The following ADAM8 variants were observed in gnomAD, a reference collection of about 807,000 sequenced individuals.
ADAM8 encodes the protein disintegrin and metalloproteinase domain-containing protein 8.
ADAM8 carries 104 observed loss-of-function variants against 102.4 expected under a neutral mutation model. That is an observed-to-expected ratio of 1.02 (90% CI 0.87 to 1.20). The LOEUF is 1.20. Ranked by LOEUF, ADAM8 falls within the 50% of genes most tolerant of loss-of-function variation. The probability of loss-of-function intolerance (pLI) is 0.00; values close to 1 mark genes in which losing one functional copy is unlikely to be tolerated. For synonymous variants in ADAM8, 517 were observed against 485.2 expected (o/e 1.07, Z -0.86); for missense variants, 1,132 against 1,159.0 (o/e 0.98, Z 0.34).
At chr10:133,264,945 C>T (rs1366886040) in intron 21 of ADAM8, among the ~76,000 whole-genome samples, 5 of 126,560 alleles carry the variant, frequency 4.0e-5, no homozygotes, top group African/African-American at 9.4e-5. Context: ...TACCTCCACG[C>T]GCAGCTCCTG....
At chr10:133,273,178 G>A in intron 6 of ADAM8, 76 bp downstream of exon 6, 2 of 1,578,314 alleles carry the variant, frequency 1.3e-6, no homozygotes, top group Non-Finnish European at 1.7e-6. Flanking sequence ...CAGCACATGG[G>A]GAGCCAGGAG....
chr10:133,269,511 C>T lies in ADAM8; in HGVS notation c.1882G>A (p.Glu628Lys). The change falls in exon 18 of 23, where the codon GAG (glutamate) becomes AAG (lysine). Residue 628 changes from glutamate (E) to lysine (K), a missense_variant. Transcript: ENST00000445355. ...HNHGVCNHKQ[E>K]CHCHAGWAPP... The stretch of plus-strand genomic sequence containing the variant: ...GCCCAGCCCGCGTGGCAGTGGCACT[C>T]CTGCTTGTGGTTGCACACCTGCGGG... The T allele has an allele frequency of 6.3e-7, 1 of 1,598,882 alleles. No homozygotes were observed. Among genetic ancestry groups the T allele is most frequent in the East Asian group, 2.2e-5 (1 of 44,732 alleles).
At chr10:133,274,077 G>C (rs1846652078) in intron 3 of ADAM8, 48 bp from the exon 4 acceptor site, 1 of 1,591,640 alleles carries the variant, frequency 6.3e-7, no homozygotes, top group African/African-American at 1.3e-5. Context: ...GTGCAGAGAG[G>C]CTGGCCCAGA....
At chr10:133,268,622 G>A (rs546431728) in intron 19 of ADAM8, 126 bp downstream of exon 19, 58 of 1,085,456 alleles carry the variant, frequency 5.3e-5, no homozygotes, top group African/African-American at 4.1e-4. Flanking sequence ...GCGTCATGAC[G>A]TCGGGGCACA....
intron 9 of ADAM8, 51 bp downstream of exon 9, chr10:133,272,365 G>GC: frequency 1.7e-5 from 7 of 408,748 alleles, no homozygotes; most frequent in South Asian, 1.4e-4. Context: ...ACCCCACCCT[G>GC]CCCGCCCTCC....
chr10:133,262,960 G>A lies in ADAM8; in HGVS notation c.*196C>T. 4.2e-6 allele frequency: 3 copies of A among 720,868 alleles called. No individual in the cohort carries two copies. The highest frequency in any genetic ancestry group is 4.9e-6 in the Non-Finnish European group (2 of 406,254). The allele number at this position is 720,868 out of a possible 1,614,324, so 44.7% of individuals were successfully genotyped here. ...ACAGCTGGGGCTACACGTGGCCAAGGCGGGGAGAAGGAATTGGCTGAGGGC... is the reference window on the plus strand; with the variant it reads ...ACAGCTGGGGCTACACGTGGCCAAGACGGGGAGAAGGAATTGGCTGAGGGC... On this transcript the variant is annotated 3_prime_UTR_variant, in exon 23 of 23. Transcript: ENST00000445355.
At position 133,267,997 on chromosome 10, in the gene ADAM8, T is replaced by C. The variant is rs1300957407; in HGVS notation, c.2185A>G (p.Thr729Ala). 1.6e-6 allele frequency: 2 copies of C among 1,260,146 alleles called. No individual in the cohort carries two copies. The highest frequency in any genetic ancestry group is 2.7e-4 in the Middle Eastern group (1 of 3,728). 78.1% of individuals were successfully genotyped at this position (1,260,146 alleles called of 1,614,324 possible). A position where few individuals can be genotyped will look rare whatever the true frequency, so the allele number is the denominator to read the frequency against. ...PSRGPQELVP[T>A]THPGQPARHP... ...CGGGCGGGCTGGCCCGGGTGGGTGG[T>C]GGGGACCAGCTCTTGGGGGCCCCTG... Residue 729 changes from threonine to alanine, a missense_variant, in exon 20 of 23, where the codon ACC (threonine) becomes GCC (alanine). Transcript: ENST00000445355.
intron 2 of ADAM8, 74 bp from the exon 3 acceptor site, chr10:133,274,309 A>C (rs1846660920): frequency 1.4e-6 from 2 of 1,387,684 alleles, no homozygotes; most frequent in Non-Finnish European, 1.9e-6. Flanking sequence ...GGGGCCAGAG[A>C]AGCTCAGCTG....
At position 133,271,809 on chromosome 10, in the gene ADAM8, A is replaced by T; in HGVS notation, c.1103T>A (p.Ile368Asn). ...CTGCAGGGCCTGGCCGCCTCACCCA[A>T]TGCTGCCCGCCATGATGCAGCGGCC... is the stretch of plus-strand genomic sequence containing the variant. Reference protein sequence around the residue: ...EAGRCIMAGSIGSSFPRMFSD... With the variant: ...EAGRCIMAGSNGSSFPRMFSD... Residue 368 changes from isoleucine (I) to asparagine (N), a missense_variant, in exon 11 of 23, where the codon ATT becomes AAT. By Grantham distance (149) the Ile-to-Asn change is moderately radical. Transcript: ENST00000445355. The T allele has an allele frequency of 1.9e-6, 3 of 1,597,160 alleles. No individual in the cohort carries two copies. Among genetic ancestry groups the T allele is most frequent in the East Asian group, 2.3e-5 (1 of 44,008 alleles).
At position 133,267,413 on chromosome 10, in the gene ADAM8, G is replaced by A. The variant is rs545492149; in HGVS notation, c.2258C>T (p.Pro753Leu). 71 of 1,608,120 alleles carry A rather than the reference G, an allele frequency of 4.4e-5. 1 individual carries two copies. In the South Asian group the frequency reaches 6.4e-4, roughly 14 times the overall value. Residue 753 changes from proline to leucine, a missense_variant, in exon 21 of 23, where the codon CCG becomes CTG. Pro to Leu is a moderately conservative substitution (Grantham distance 98). Transcript: ENST00000445355. Reference protein sequence around the residue: ...VALKRPPPAPPVTVSSPPFPV... With the variant: ...VALKRPPPAPLVTVSSPPFPV... ...GAAGGGTGGGCTGGACACAGTGACC[G>A]GAGGCTGGAGGAGACAGGGCCGAGA...
At chr10:133,273,899 G>A (rs1846643006) in intron 4 of ADAM8, 52 bp downstream of exon 4, 1 of 1,556,530 alleles carries the variant, frequency 6.4e-7, no homozygotes, top group Admixed American at 1.9e-5. Context: ...CAGGCTCGGG[G>A]AGGGCCGCCC....
At chr10:133,273,651 G>T (rs947619579) in intron 5 of ADAM8, 111 bp downstream of exon 5, 39 of 1,354,624 alleles carry the variant, frequency 2.9e-5, no homozygotes, top group South Asian at 6.8e-5. Context: ...GACAGCAAAG[G>T]CCTGAGTGGG....
chr10:133,271,127 C>T, intron 13 of ADAM8, 57 bp from the exon 14 acceptor site: 1 of 1,593,040 alleles, frequency 6.3e-7, no homozygotes, highest in Non-Finnish European at 8.6e-7. Flanking sequence ...CTGCCTGGTC[C>T]CTGGTGCCCC....
chr10:133,271,387 GC>G, intron 12 of ADAM8, 98 bp from the exon 13 acceptor site: 1 of 1,492,346 alleles, frequency 6.7e-7, no homozygotes, highest in Admixed American at 2.1e-5. Context: ...GTGCCCTGCA[GC>G]CACTCCCTCC....
Position 133,269,391 on chromosome 10 carries a change from C to T in ADAM8, c.1948+54G>A, listed in dbSNP as rs1846440661. The T allele has an allele frequency of 1.0e-5, 15 of 1,440,012 alleles. No individual in the cohort carries two copies. The South Asian group carries it at 1.6e-4, about 15-fold the overall frequency. The allele number at this position is 1,440,012 out of a possible 1,614,324, so 89.2% of individuals were successfully genotyped here. A position where few individuals can be genotyped will look rare whatever the true frequency, so the allele number is the denominator to read the frequency against. On this transcript the variant is annotated intron_variant, in intron 18 of 22. Coordinates refer to ENST00000445355, the MANE Select transcript of ADAM8 (RefSeq NM_001109.5). ...CCGCGGCTTCTGCCTGGGCTCTGTT[C>T]GGGCCCTCTGAGCTTGGACCCCAGC...
rs560697278 is a variant in ADAM8 at position 133,274,038 on chromosome 10, G to T, written c.228-9C>A. 2.5e-6 allele frequency: 4 copies of T among 1,603,978 alleles called. No individual in the cohort carries two copies. The highest frequency in any genetic ancestry group is 3.4e-6 in the Non-Finnish European group (4 of 1,176,754). On this transcript the variant is annotated splice_polypyrimidine_tract_variant and intron_variant, in intron 3 of 22. Transcript: ENST00000445355. The stretch of plus-strand genomic sequence containing the variant: ...CGGAGCCCAGCAGGTCCCTGGAAAA[G>T]AAGTGCTGTGACTGCCTCGGCCCCC...
intron 19 of ADAM8, 108 bp downstream of exon 19, chr10:133,268,640 C>G: frequency 8.0e-7 from 1 of 1,251,876 alleles, no homozygotes; most frequent in Non-Finnish European, 1.1e-6. Context: ...ACAGAGGAGC[C>G]TGGGTGTCCG....
At chr10:133,267,583 TC>T (rs1468437850) in intron 20 of ADAM8, among the ~76,000 whole-genome samples, 166 bp from the exon 21 acceptor site, 1 of 152,130 alleles carries the variant, frequency 6.6e-6, no homozygotes, top group East Asian at 1.9e-4. Flanking sequence ...ATTCCTCCCC[TC>T]AGCCGTGTGA....
At position 133,267,361 on chromosome 10, in the gene ADAM8, T is replaced by C. The variant is rs761746442; in HGVS notation, c.2310A>G (p.Ala770=). 1 of 1,608,982 alleles carries C rather than the reference T, an allele frequency of 6.2e-7. No individual in the cohort carries two copies. Among genetic ancestry groups the C allele is most frequent in the Non-Finnish European group, 8.5e-7 (1 of 1,178,630 alleles). ...PFPVPVYTRQ[A]PKQVIKPTFA... ...AATCACCACTGCTCACCTGCTTTGG[T>C]GCCTGCCGGGTGTAGACAGGAACTG... The change falls in exon 21 of 23, where the codon GCA becomes GCG. Residue 770 remains alanine, a synonymous_variant. Transcript: ENST00000445355.
Sources: gnomAD v4.1 joint callset for allele counts (sites outside exome capture counted in the v4.1 genomes callset) on GRCh38, gnomAD v4.1.1 for gene constraint, MANE v1.5 for transcripts, NCBI Gene and HGNC (gene_info 2026-07-23, HGNC 2026-07-21) for gene names.